PPP1R12A: variants seen among roughly 807,000 people sequenced by gnomAD.
PPP1R12A encodes the protein protein phosphatase 1 regulatory subunit 12A.
Under a neutral mutation model 139.6 loss-of-function variants are expected in PPP1R12A, and 19 were observed. The ratio of observed to expected loss-of-function variants is 0.14; its 90% CI spans 0.09 to 0.20. The LOEUF (loss-of-function observed/expected upper bound fraction) is 0.20. Among genes scored for constraint, PPP1R12A ranks in the 10% least tolerant of loss-of-function variants. PPP1R12A has a pLI of 1.00. For missense variants in PPP1R12A, 925 were observed against 1,211.5 expected, an observed-to-expected ratio of 0.76 and a Z score of 3.51; for synonymous variants, 427 against 420.6, an observed-to-expected ratio of 1.02 and a Z score of -0.19.
chr12:79,805,287 A>G (rs1409959527), intron 14 of PPP1R12A, among the ~76,000 whole-genome samples: 2 of 152,184 alleles, frequency 1.3e-5, no homozygotes, highest in Non-Finnish European at 2.9e-5. Context: ...TGGTGTTTTC[A>G]GTTCTTCATC....
chr12:79,890,877 TAC>T (rs1460323348), intron 1 of PPP1R12A, among the ~76,000 whole-genome samples: 2 of 122,802 alleles, frequency 1.6e-5, no homozygotes, highest in Non-Finnish European at 3.6e-5. Context: ...ACCTCAAGAA[TAC>T]ACACACACCA....
At chr12:79,827,692 T>A (rs1248839809) in intron 5 of PPP1R12A, among the ~76,000 whole-genome samples, 1 of 152,138 alleles carries the variant, frequency 6.6e-6, no homozygotes, top group African/African-American at 2.4e-5. Flanking sequence ...AACGCTTGTA[T>A]GACATTTTCT....
intron 2 of PPP1R12A, among the ~76,000 whole-genome samples, chr12:79,854,476 C>A (rs1449854604): frequency 3.3e-5 from 5 of 152,074 alleles, no homozygotes; most frequent in African/African-American, 1.2e-4. Flanking sequence ...TAATTCCGCT[C>A]TTTAGATCCC....
At chr12:79,792,456 T>G in intron 19 of PPP1R12A, among the ~76,000 whole-genome samples, 1 of 152,310 alleles carries the variant, frequency 6.6e-6, no homozygotes, top group East Asian at 1.9e-4. Flanking sequence ...TGACTTAGGT[T>G]TCATATTGTT....
chr12:79,819,972 T>C (rs568947837), intron 8 of PPP1R12A, among the ~76,000 whole-genome samples: 21 of 151,246 alleles, frequency 1.4e-4, no homozygotes, highest in Middle Eastern at 6.9e-3. Context: ...AATAGATTTA[T>C]GGACAAATAT....
intron 24 of PPP1R12A, chr12:79,777,031 G>A (rs1869814202): frequency 2.7e-6 from 1 of 364,674 alleles, no homozygotes; most frequent in Non-Finnish European, 3.8e-6. Context: ...ATAAAATATA[G>A]TAATATTAAG....
rs1869566946 is a variant in PPP1R12A at position 79,774,831 on chromosome 12, T to C, written c.*1098A>G. 6.6e-6 allele frequency: 1 copy of C among 152,542 alleles called. No individual in the cohort carries two copies. Among genetic ancestry groups the C allele is most frequent in the African/African-American group, 2.4e-5 (1 of 41,460 alleles). The allele number at this position is 152,542 out of a possible 1,614,324, so 9.4% of individuals were successfully genotyped here. On this transcript the variant is annotated 3_prime_UTR_variant, in exon 25 of 25. Coordinates refer to ENST00000450142, the MANE Select transcript of PPP1R12A (RefSeq NM_002480.3). ...CTCAGATAAATATAGGTATGTGAAA[T>C]GTAAAGCAATTATCTTATGCAACTT... is the stretch of plus-strand genomic sequence containing the variant.
intron 5 of PPP1R12A, among the ~76,000 whole-genome samples, chr12:79,826,755 T>TAA (rs1389003232): frequency 2.6e-5 from 4 of 152,232 alleles, no homozygotes; most frequent in Non-Finnish European, 5.9e-5. Context: ...ATATTGTGTA[T>TAA]GTTTCACTAG....
At chr12:79,917,993 C>T (rs909296367) in intron 1 of PPP1R12A, among the ~76,000 whole-genome samples, 13 of 152,080 alleles carry the variant, frequency 8.5e-5, no homozygotes, top group African/African-American at 3.1e-4. Context: ...CTTTATTCCT[C>T]TCCAACAGTT....
Position 79,821,088 on chromosome 12 carries a change from T to A in PPP1R12A, c.946A>T (p.Thr316Ser). The A allele has an allele frequency of 6.2e-7, 1 of 1,610,892 alleles. No individual in the cohort carries two copies. The highest frequency in any genetic ancestry group is 1.3e-5 in the African/African-American group (1 of 74,966). ...GAATATTTTACTCACTTTTTAAAGG[T>A]CTTCTGTGACTGATTATTGTCCATA... is the stretch of plus-strand genomic sequence containing the variant. ...ANMDNNQSQKTFKNKETLIIE... is the reference protein window; with the variant it reads ...ANMDNNQSQKSFKNKETLIIE... Residue 316 changes from threonine to serine, a missense_variant, in exon 7 of 25, where the codon ACC becomes TCC. Transcript: ENST00000450142.
chr12:79,890,899 ACCCACC>A (rs796433181), intron 1 of PPP1R12A, among the ~76,000 whole-genome samples: 2,934 of 66,742 alleles, frequency 0.044, 64 homozygotes, highest in African/African-American at 0.15. Context: ...ACCCACCCAC[ACCCACC>A]CACACACACA....
At chr12:79,817,174 C>T (rs958303203) in intron 9 of PPP1R12A, among the ~76,000 whole-genome samples, 2 of 151,816 alleles carry the variant, frequency 1.3e-5, no homozygotes, top group Admixed American at 6.6e-5. Context: ...TTGTTAACTA[C>T]CAACTGTAAT....
At position 79,781,910 on chromosome 12, in the gene PPP1R12A, AG is replaced by A. The variant is rs751508297; in HGVS notation, c.2908-49del. On this transcript the variant is annotated intron_variant, in intron 22 of 24. Transcript: ENST00000450142. Reference sequence around the variant, plus strand: ...AAAAGAGATAAGTGCAAAAAAGTTCAGGGGTGACCACAGTAATTCTCTTTTA... The same window carrying A: ...AAAAGAGATAAGTGCAAAAAAGTTCAGGGTGACCACAGTAATTCTCTTTTA... 13 of 1,121,074 alleles carry A rather than the reference AG, an allele frequency of 1.2e-5. No homozygotes were observed. In the African/African-American group the frequency reaches 1.7e-4, roughly 15 times the overall value. The allele number at this position is 1,121,074 out of a possible 1,614,324, so 69.4% of individuals were successfully genotyped here. A position where few individuals can be genotyped will look rare whatever the true frequency, so the allele number is the denominator to read the frequency against.
chr12:79,920,159 T>C (rs1887327564), intron 1 of PPP1R12A, among the ~76,000 whole-genome samples: 1 of 152,250 alleles, frequency 6.6e-6, no homozygotes, highest in Non-Finnish European at 1.5e-5. Flanking sequence ...TTCTTTCACT[T>C]AGCATGTTTA....
chr12:79,908,386 G>T (rs1370752821), intron 1 of PPP1R12A, among the ~76,000 whole-genome samples: 2 of 152,146 alleles, frequency 1.3e-5, no homozygotes, highest in African/African-American at 4.8e-5. Context: ...GTTAATAATA[G>T]AAGACCCAAA....
At chr12:79,778,510 T>G in intron 24 of PPP1R12A, 40 bp downstream of exon 24, 1 of 1,345,102 alleles carries the variant, frequency 7.4e-7, no homozygotes, top group East Asian at 2.5e-5. Flanking sequence ...CATTAATACA[T>G]AAACAGCACT....
intron 1 of PPP1R12A, among the ~76,000 whole-genome samples, chr12:79,894,836 C>T (rs375017693): frequency 3.8e-4 from 58 of 152,270 alleles, no homozygotes; most frequent in African/African-American, 8.4e-4. Flanking sequence ...ACACCTAACA[C>T]GCTTTTTGGG....
chr12:79,792,276 T>G (rs1871972813), intron 19 of PPP1R12A, among the ~76,000 whole-genome samples: 1 of 152,166 alleles, frequency 6.6e-6, no homozygotes, highest in African/African-American at 2.4e-5. Flanking sequence ...AGATGACACA[T>G]GGCCCATGTT....
intron 2 of PPP1R12A, 38 bp from the exon 3 acceptor site, chr12:79,845,458 T>C (rs1053836795): frequency 1.4e-6 from 2 of 1,438,142 alleles, no homozygotes; most frequent in Non-Finnish European, 1.9e-6. Flanking sequence ...GCAAAAGATA[T>C]TATCATTGAA....
Sources: gnomAD v4.1 joint callset for allele counts (sites outside exome capture counted in the v4.1 genomes callset) on GRCh38, gnomAD v4.1.1 for gene constraint, MANE v1.5 for transcripts, NCBI Gene and HGNC (gene_info 2026-07-23, HGNC 2026-07-21) for gene names.